The following SLC35E1 variants were observed in gnomAD, a reference collection of about 807,000 sequenced individuals.
The protein encoded by SLC35E1 is solute carrier family 35, member E1.
SLC35E1 carries 12 observed loss-of-function variants against 31.0 expected under a neutral mutation model. That is an observed-to-expected ratio of 0.39 (90% CI 0.25 to 0.63). SLC35E1 has a LOEUF of 0.63. Among genes scored for constraint, SLC35E1 ranks in the 20% least tolerant of loss-of-function variants. The pLI is 0.52. For missense variants in SLC35E1, 429 were observed against 572.2 expected (o/e 0.75, Z 2.55); for synonymous variants, 257 against 264.1 (o/e 0.97, Z 0.26).
rs1306458319 is a variant in SLC35E1, at chr19:16,553,766, G to A, written c.1146C>T (p.Tyr382=). The change falls in exon 6 of 6, where the codon TAC becomes TAT. Residue 382 remains tyrosine, a synonymous_variant. Transcript: ENST00000595753. ...GGTCTGTTAAGATGTTGTTGCGGCC[G>A]TACTGATAGTCCCCGTGCTGGGGGA... ...LLFPQHGDYQ[Y]GRNNILTDHF... 6.8e-6 allele frequency: 11 copies of A among 1,613,136 alleles called. No homozygotes were observed. The highest frequency in any genetic ancestry group is 2.2e-5 in the East Asian group (1 of 44,870).
At chr19:16,566,427 C>T in intron 4 of SLC35E1, 105 bp downstream of exon 4, 3 of 1,512,096 alleles carry the variant, frequency 2.0e-6, no homozygotes, top group Non-Finnish European at 1.8e-6. Flanking sequence ...CTGTCAGGTG[C>T]CCAAAAGATA....
chr19:16,567,881 AT>A (rs2012726734), intron 3 of SLC35E1, 150 bp downstream of exon 3: 1 of 1,219,574 alleles, frequency 8.2e-7, no homozygotes, highest in African/African-American at 1.6e-5. Flanking sequence ...AAAAAGCAAA[AT>A]GACAAACAGA....
At chr19:16,571,612 G>T (rs1442444428) in intron 1 of SLC35E1, 30 bp from the exon 2 acceptor site, 1 of 1,611,926 alleles carries the variant, frequency 6.2e-7, no homozygotes, top group South Asian at 1.1e-5. Context: ...CACTCAGGGG[G>T]CTGCCTGAAT....
Position 16,553,488 on chromosome 19 carries a change from A to G in SLC35E1, c.*191T>C, listed in dbSNP as rs1568270340. The stretch of plus-strand genomic sequence containing the variant: ...CTCTGTTTAGGTTTGCCCAGAGCTC[A>G]CGGCCGTCTGCACTGCAGGCAACGC... On this transcript the variant is annotated 3_prime_UTR_variant, in exon 6 of 6. Coordinates refer to ENST00000595753, the MANE Select transcript of SLC35E1 (RefSeq NM_024881.5). 1 of 436,034 alleles carries G rather than the reference A, an allele frequency of 2.3e-6. No individual in the cohort carries two copies. The highest frequency in any genetic ancestry group is 4.0e-6 in the Non-Finnish European group (1 of 249,350). The allele number at this position is 436,034 out of a possible 1,614,324, so 27.0% of individuals were successfully genotyped here.
Position 16,551,789 on chromosome 19 carries a change from C to T in SLC35E1, c.*1890G>A, listed in dbSNP as rs1170044769. 7.0e-6 allele frequency: 1 copy of T among 143,042 alleles called. No individual in the cohort carries two copies. The highest frequency in any genetic ancestry group is 2.6e-5 in the African/African-American group (1 of 38,088). 8.9% of individuals were successfully genotyped at this position (143,042 alleles called of 1,614,324 possible). A position where few individuals can be genotyped will look rare whatever the true frequency, so the allele number is the denominator to read the frequency against. On this transcript the variant is annotated 3_prime_UTR_variant, in exon 6 of 6. Transcript: ENST00000595753. ...TTTTTTTTTGAGACAGAGTCTCACT[C>T]TGTCACCAAGGCTGGAGTGCAGTGG...
intron 2 of SLC35E1, among the ~76,000 whole-genome samples, chr19:16,570,445 G>C (rs960212624): frequency 6.6e-6 from 1 of 152,158 alleles, no homozygotes; most frequent in Admixed American, 6.5e-5. Flanking sequence ...CCAACCACTT[G>C]GAAAAGAGGC....
chr19:16,566,701 T>G (rs780159781), intron 3 of SLC35E1, 44 bp from the exon 4 acceptor site: 2 of 1,582,354 alleles, frequency 1.3e-6, no homozygotes, highest in Non-Finnish European at 1.7e-6. Context: ...AAACTATATG[T>G]GGCAAAAAGG....
intron 4 of SLC35E1, among the ~76,000 whole-genome samples, chr19:16,562,142 A>T (rs1294071591): frequency 6.6e-6 from 1 of 152,234 alleles, no homozygotes; most frequent in Non-Finnish European, 1.5e-5. Flanking sequence ...GAACAACAAT[A>T]ACAACACAAA....
At chr19:16,568,298 G>C (rs2085941823) in intron 2 of SLC35E1, 129 bp from the exon 3 acceptor site, 19 of 1,255,346 alleles carry the variant, frequency 1.5e-5, no homozygotes, top group Non-Finnish European at 2.0e-5. Flanking sequence ...TGAAAGTGGT[G>C]TTTGCTGTGC....
intron 4 of SLC35E1, among the ~76,000 whole-genome samples, chr19:16,557,740 G>A (rs924730754): frequency 1.3e-5 from 2 of 152,210 alleles, no homozygotes; most frequent in Non-Finnish European, 2.9e-5. Flanking sequence ...TCCATGTTGT[G>A]AGGGACAAGA....
intron 2 of SLC35E1, among the ~76,000 whole-genome samples, chr19:16,570,466 G>C (rs1373278288): frequency 6.6e-6 from 1 of 152,200 alleles, no homozygotes; most frequent in African/African-American, 2.4e-5. Context: ...ACGGTGTCCA[G>C]CATCAGCATG....
Position 16,571,967 on chromosome 19 carries a change from A to G in SLC35E1, c.398T>C (p.Val133Ala), listed in dbSNP as rs1029722751. ...SVSAHVSIWK[V>A]PVSYAHTVKA... The stretch of plus-strand genomic sequence containing the variant: ...ACCGGTGTGTGCATAGGACACGGGC[A>G]CCTTCCAGATGCTGACGTGCGCTGA... Residue 133 changes from valine to alanine, a missense_variant, in exon 1 of 6, where the codon GTG becomes GCG. Physicochemically the swap from Val to Ala is moderately conservative, Grantham distance 64. Coordinates refer to ENST00000595753, the MANE Select transcript of SLC35E1 (RefSeq NM_024881.5). The G allele has an allele frequency of 1.3e-6, 2 of 1,547,366 alleles. No individual in the cohort carries two copies. Among genetic ancestry groups the G allele is most frequent in the Non-Finnish European group, 1.7e-6 (2 of 1,145,604 alleles).
In SLC35E1 at chr19:16,553,530, C is replaced by CG. The variant is rs779534628; in HGVS notation, c.*148dup. 1.2e-3 allele frequency: 792 copies of CG among 680,022 alleles called. 10 individuals are homozygous for CG. Among genetic ancestry groups the CG allele is most frequent in the Non-Finnish European group, 1.9e-4 (85 of 448,494 alleles). The allele number at this position is 680,022 out of a possible 1,614,324, so 42.1% of individuals were successfully genotyped here. A position where few individuals can be genotyped will look rare whatever the true frequency, so the allele number is the denominator to read the frequency against. On this transcript the variant is annotated 3_prime_UTR_variant, in exon 6 of 6. Transcript: ENST00000595753. ...AGGCAACGCATCCTCCTGCGGCTCA[C>CG]GGGGGGCCAGGAACCCCAGGGCTTC...
chr19:16,571,546 G>A lies in SLC35E1; in HGVS notation c.458C>T (p.Ser153Phe), dbSNP rs1480934382. The A allele has an allele frequency of 6.2e-7, 1 of 1,613,962 alleles. No individual in the cohort carries two copies. The highest frequency in any genetic ancestry group is 8.5e-7 in the Non-Finnish European group (1 of 1,179,974). ...CTGCTTCTCCTTCATAATGATCCGG[G>A]ACAGGAGGACCACCCAGATGGGCAT... The part of the protein sequence containing the change: ...ATMPIWVVLL[S>F]RIIMKEKQST... Residue 153 changes from serine to phenylalanine, a missense_variant, in exon 2 of 6, where the codon TCC (serine) becomes TTC (phenylalanine). Coordinates refer to ENST00000595753, the MANE Select transcript of SLC35E1 (RefSeq NM_024881.5).
In SLC35E1 at chr19:16,555,243, G is replaced by A. The variant is rs200023824; in HGVS notation, c.911C>T (p.Thr304Met). 1.7e-5 allele frequency: 28 copies of A among 1,614,080 alleles called. No individual in the cohort carries two copies. The highest frequency in any genetic ancestry group is 2.7e-5 in the African/African-American group (2 of 74,932). Residue 304 changes from threonine (T) to methionine (M), a missense_variant, in exon 5 of 6, where the codon ACG becomes ATG. Thr to Met is a moderately conservative substitution (Grantham distance 81). Coordinates refer to ENST00000595753, the MANE Select transcript of SLC35E1 (RefSeq NM_024881.5). This position sits in a 1 kb window ranked among gnomAD's most constrained non-coding sequence, Gnocchi z 4.1. ...GTTGCGCAGCATGATCAGGGACACC[G>A]TGATGACCATGATTCTTTTGGTGGC... is the stretch of plus-strand genomic sequence containing the variant. Reference protein sequence around the residue: ...ANATKRIMVITVSLIMLRNPV... With the variant: ...ANATKRIMVIMVSLIMLRNPV...
rs1438105795 is a variant in SLC35E1 at position 16,555,466 on chromosome 19, T to C, written c.757-69A>G. 7 of 1,575,508 alleles carry C rather than the reference T, an allele frequency of 4.4e-6. No individual in the cohort carries two copies. Among genetic ancestry groups the C allele is most frequent in the Non-Finnish European group, 6.0e-6 (7 of 1,161,478 alleles). ...GTGACCCTGCCTCCCTGTATCCACC[T>C]GGCAGGGTTAGGGGAAGGGATGTGG... On this transcript the variant is annotated intron_variant, in intron 4 of 5. Coordinates refer to ENST00000595753, the MANE Select transcript of SLC35E1 (RefSeq NM_024881.5). The surrounding 1 kb of genome is among the most constrained non-coding windows in gnomAD (Gnocchi z 4.1).
At chr19:16,557,113 G>A in intron 4 of SLC35E1, 2 of 369,310 alleles carry the variant, frequency 5.4e-6, no homozygotes, top group South Asian at 2.0e-5. Context: ...TTCTGGGAAG[G>A]GAACCCAACC....
At chr19:16,562,967 G>C (rs1436601262) in intron 4 of SLC35E1, among the ~76,000 whole-genome samples, 3 of 152,172 alleles carry the variant, frequency 2.0e-5, no homozygotes, top group Non-Finnish European at 4.4e-5. Flanking sequence ...GCCTGCCTCT[G>C]CCTTCCAAAA....
Position 16,568,038 on chromosome 19 carries a change from G to A in SLC35E1, c.624C>T (p.Ser208=), listed in dbSNP as rs2085940536. The change falls in exon 3 of 6, where the codon TCC becomes TCT. Residue 208 remains serine (S), a synonymous_variant. Transcript: ENST00000595753. ...GCTGATGGTGACCAAATACCTTTTT[G>A]GAGAAAATGTTCTGAAGCGAGAAGC... ...TLCFSLQNIF[S]KKVLRDSRIH... 6.2e-7 allele frequency: 1 copy of A among 1,608,344 alleles called. No homozygotes were observed. The highest frequency in any genetic ancestry group is 8.5e-7 in the Non-Finnish European group (1 of 1,177,412).
Sources: allele counts gnomAD v4.1 joint callset (sites outside exome capture counted in the v4.1 genomes callset), GRCh38; gene constraint gnomAD v4.1.1; non-coding constraint Gnocchi (gnomAD v3.1); transcripts MANE v1.5; gene names NCBI Gene and HGNC (gene_info 2026-07-23, HGNC 2026-07-21).